C1orf141: variants seen among roughly 807,000 people sequenced by gnomAD.
C1orf141 encodes uncharacterized protein C1orf141.
Under a neutral mutation model 23.2 loss-of-function variants are expected in C1orf141, and 19 were observed. The observed-to-expected ratio is 0.82, with a 90% CI of 0.57 to 1.20. The LOEUF (loss-of-function observed/expected upper bound fraction) is 1.20. C1orf141 is among the 50% of genes most tolerant of loss of function. The pLI is 0.00. For missense variants in C1orf141, 469 were observed against 455.1 expected, an observed-to-expected ratio of 1.03 and a Z score of -0.28; for synonymous variants, 153 against 154.6, an observed-to-expected ratio of 0.99 and a Z score of 0.08.
At chr1:67,122,648 C>CT (rs36061165) in intron 4 of C1orf141, 2 of 152,074 alleles carry the variant, frequency 1.3e-5, no homozygotes, top group Non-Finnish European at 2.9e-5. Context: ...TTTATGTTTT[C>CT]TTTTTTGTTG....
chr1:67,130,755 A>G (rs1450729881), intron 2 of C1orf141, among the ~76,000 whole-genome samples: 1 of 152,234 alleles, frequency 6.6e-6, no homozygotes. Flanking sequence ...TTTTATGAAT[A>G]CTAAATTTGC....
intron 5 of C1orf141, among the ~76,000 whole-genome samples, chr1:67,107,530 G>C (rs1252616362): frequency 2.0e-5 from 3 of 152,146 alleles, no homozygotes; most frequent in Admixed American, 2.0e-4. Flanking sequence ...TAAACTGATG[G>C]AAAAATATAT....
chr1:67,103,506 G>C (rs1645853123), intron 5 of C1orf141: 5 of 503,752 alleles, frequency 9.9e-6, no homozygotes, highest in Non-Finnish European at 1.6e-5. Context: ...CAGCTGTCTG[G>C]TTCTTTAAAT....
At chr1:67,137,536 TA>T (rs1646596162), upstream of C1orf141, among the ~76,000 whole-genome samples, 2 of 152,202 alleles carry the variant, frequency 1.3e-5, no homozygotes, top group Admixed American at 1.3e-4. Context: ...AGTTGATGGA[TA>T]CCACGTGACC....
intron 4 of C1orf141, chr1:67,124,081 T>C (rs1433534385): frequency 6.6e-6 from 1 of 152,178 alleles, no homozygotes; most frequent in Non-Finnish European, 1.5e-5. Flanking sequence ...TTCAATTTGT[T>C]AGCTGTATGA....
In C1orf141 at chr1:67,099,712, G is replaced by A. The variant is rs1197554214; in HGVS notation, c.347-3391C>T. ...AATCGCTTGAACCCAGGAGGCAGAGGTTGCAGTAAGCCAGGGTTGCGCCAT... is the reference window on the plus strand; with the variant it reads ...AATCGCTTGAACCCAGGAGGCAGAGATTGCAGTAAGCCAGGGTTGCGCCAT... On this transcript the variant is annotated intron_variant, in intron 5 of 7. Transcript: ENST00000684719. Among the ~76,000 whole-genome samples the A allele has an allele frequency of 2.0e-5, 3 of 152,310 alleles. No individual in the cohort carries two copies. In the East Asian group the frequency reaches 5.8e-4, roughly 29 times the overall value.
intron 5 of C1orf141, among the ~76,000 whole-genome samples, chr1:67,102,288 G>A (rs1322486462): frequency 6.7e-6 from 1 of 149,480 alleles, no homozygotes; most frequent in Non-Finnish European, 1.5e-5. Flanking sequence ...AGGACTCTAG[G>A]AAGATGAATC....
chr1:67,112,180 G>A (rs961454463), intron 5 of C1orf141, among the ~76,000 whole-genome samples: 1 of 152,160 alleles, frequency 6.6e-6, no homozygotes, highest in Non-Finnish European at 1.5e-5. Flanking sequence ...ACATCTGTGA[G>A]TCTTACTTTC....
chr1:67,115,388 G>T lies in C1orf141; in HGVS notation c.310C>A (p.Gln104Lys). ...CTTTCTTTATTTTTTACATTTGTTT[G>T]AATAAAGAATGGTCTTAAATTTGAC... ...EKSNLRPFFI[Q>K]TNVKNKESES... Residue 104 changes from glutamine (Q) to lysine (K), a missense_variant, in exon 5 of 8, where the codon CAA becomes AAA. Transcript: ENST00000684719. The T allele has an allele frequency of 6.9e-7, 1 of 1,448,710 alleles. No homozygotes were observed. The highest frequency in any genetic ancestry group is 1.7e-4 in the Middle Eastern group (1 of 5,732). 89.7% of individuals were successfully genotyped at this position (1,448,710 alleles called of 1,614,324 possible). A position where few individuals can be genotyped will look rare whatever the true frequency, so the allele number is the denominator to read the frequency against.
chr1:67,093,649 C>T (rs1438334237), intron 7 of C1orf141, 45 bp from the exon 8 acceptor site: 4 of 1,415,152 alleles, frequency 2.8e-6, no homozygotes, highest in South Asian at 3.1e-5. Context: ...TTCATTGAGT[C>T]AAGAAAGCTC....
intron 5 of C1orf141, chr1:67,113,831 C>T: frequency 1.9e-6 from 1 of 534,130 alleles, no homozygotes; most frequent in South Asian, 1.6e-5. Flanking sequence ...TTAGTAACAG[C>T]CCTCCTGCTG....
upstream of C1orf141, among the ~76,000 whole-genome samples, chr1:67,136,700 T>C (rs1646588358): frequency 6.6e-6 from 1 of 152,220 alleles, no homozygotes; most frequent in Non-Finnish European, 1.5e-5. Context: ...TCTTAAACCT[T>C]AATTCGTATC....
intron 5 of C1orf141, among the ~76,000 whole-genome samples, chr1:67,108,552 A>AC (rs1414830815): frequency 1.3e-5 from 2 of 152,062 alleles, no homozygotes; most frequent in Non-Finnish European, 2.9e-5. Context: ...GCCAACATGG[A>AC]CCCCATCTCT....
At chr1:67,134,448 G>A (rs910910705) in intron 1 of C1orf141, among the ~76,000 whole-genome samples, 1 of 152,188 alleles carries the variant, frequency 6.6e-6, no homozygotes, top group East Asian at 1.9e-4. Flanking sequence ...ATTACCGCAG[G>A]GGCGATCAGC....
chr1:67,110,056 A>G (rs1010425829), intron 5 of C1orf141, among the ~76,000 whole-genome samples: 6 of 152,182 alleles, frequency 3.9e-5, no homozygotes, highest in African/African-American at 1.4e-4. Flanking sequence ...TTTATAAATA[A>G]TAATATAAAT....
chr1:67,140,370 C>G (rs1189281348), intron 1 of C1orf141, among the ~76,000 whole-genome samples: 1 of 152,102 alleles, frequency 6.6e-6, no homozygotes, highest in African/African-American at 2.4e-5. Flanking sequence ...TTGCAAATCA[C>G]TAAGGACAAA....
At chr1:67,101,000 C>T in intron 5 of C1orf141, among the ~76,000 whole-genome samples, 2 of 82,300 alleles carry the variant, frequency 2.4e-5, no homozygotes, top group South Asian at 1.1e-3. Flanking sequence ...TGAGGTGTCA[C>T]TTGGGTTTCA....
rs1645592651 is a variant in C1orf141 at position 67,093,275 on chromosome 1, C to G, written c.933G>C (p.Trp311Cys). The G allele has an allele frequency of 1.2e-6, 2 of 1,613,734 alleles. No homozygotes were observed. Among genetic ancestry groups the G allele is most frequent in the Non-Finnish European group, 1.7e-6 (2 of 1,179,754 alleles). The change falls in exon 8 of 8, where the codon TGG becomes TGC. Residue 311 changes from tryptophan (W) to cysteine (C), a missense_variant. By Grantham distance (215) the Trp-to-Cys change is radical (BLOSUM62 -2). Coordinates refer to ENST00000684719, the MANE Select transcript of C1orf141 (RefSeq NM_001276351.2). The part of the protein sequence containing the change: ...TNKQTLENRS[W>C]NTLYNFSQNF... ...TCTGTGAGAAATTATAGAGTGTATT[C>G]CAAGATCTGTTTTCTAGTGTCTGCT... is the stretch of plus-strand genomic sequence containing the variant.
At chr1:67,113,408 C>T (rs1374013643) in intron 5 of C1orf141, among the ~76,000 whole-genome samples, 3 of 151,854 alleles carry the variant, frequency 2.0e-5, no homozygotes, top group African/African-American at 4.8e-5. Flanking sequence ...TCTTGTTGCC[C>T]AGGCTAGAGT....
Sources: gnomAD v4.1 joint callset for allele counts (sites outside exome capture counted in the v4.1 genomes callset) on GRCh38, gnomAD v4.1.1 for gene constraint, MANE v1.5 for transcripts, NCBI Gene and HGNC (gene_info 2026-07-23, HGNC 2026-07-21) for gene names.